Variants in PPP2R2C observed in about 807,000 individuals in gnomAD.
The protein encoded by PPP2R2C is protein phosphatase 2 regulatory subunit Bgamma.
Under a neutral mutation model 45.3 loss-of-function variants are expected in PPP2R2C, and 10 were observed. The ratio of observed to expected loss-of-function variants is 0.22; its 90% CI spans 0.14 to 0.37. The LOEUF is 0.37. Ranked by LOEUF, PPP2R2C falls within the 10% of genes least tolerant of loss-of-function variation. PPP2R2C has a pLI of 1.00. For synonymous variants in PPP2R2C, 257 were observed against 245.4 expected (o/e 1.05, Z -0.44); for missense variants, 308 against 619.7 (o/e 0.50, Z 5.34).
At position 6,345,591 on chromosome 4, in the gene PPP2R2C, G is replaced by A. The variant is rs1450188253; in HGVS notation, c.790+2255C>T. Reference sequence around the variant, plus strand: ...TGGCCGCTGTGGGCTGGGAGGATGGGGGAGGGGCCACGTGCCAGGGAACGC... The same window carrying A: ...TGGCCGCTGTGGGCTGGGAGGATGGAGGAGGGGCCACGTGCCAGGGAACGC... On this transcript the variant is annotated intron_variant, in intron 6 of 8. Transcript: ENST00000382599. The surrounding 1 kb of genome is among the most constrained non-coding windows in gnomAD (Gnocchi z 5.3). Among the ~76,000 whole-genome samples the A allele has an allele frequency of 6.6e-6, 1 of 152,130 alleles. No homozygotes were observed. The highest frequency in any genetic ancestry group is 1.5e-5 in the Non-Finnish European group (1 of 68,004).
chr4:6,350,305 A>C, intron 5 of PPP2R2C: 1 of 985,508 alleles, frequency 1.0e-6, no homozygotes. Flanking sequence ...CGCTCGGAGC[A>C]GCTCTCAGGT....
chr4:6,442,503 T>C (rs1720205857), intron 1 of PPP2R2C, among the ~76,000 whole-genome samples: 1 of 152,166 alleles, frequency 6.6e-6, no homozygotes, highest in African/African-American at 2.4e-5. Flanking sequence ...TTTAGTTTGA[T>C]GGTTTCAGGC....
intron 1 of PPP2R2C, chr4:6,382,107 G>T (rs1008353446): frequency 1.5e-6 from 2 of 1,317,804 alleles, no homozygotes; most frequent in African/African-American, 3.0e-5. Flanking sequence ...CTTTTAATTT[G>T]AAGTCATTCT....
At chr4:6,457,122 T>C (rs1267490677) in intron 1 of PPP2R2C, among the ~76,000 whole-genome samples, 1 of 144,250 alleles carries the variant, frequency 6.9e-6, no homozygotes, top group African/African-American at 2.5e-5. Flanking sequence ...GGCAGGAGAA[T>C]TGCTTGAACC....
chr4:6,372,756 A>G, intron 4 of PPP2R2C, 56 bp from the exon 5 acceptor site: 1 of 1,552,630 alleles, frequency 6.4e-7, no homozygotes, highest in South Asian at 1.1e-5. Flanking sequence ...GCATCAGGAC[A>G]TAGCATGCCG....
rs762114248 is a variant in PPP2R2C, at chr4:6,368,071, G to GCGCA, written c.625+4451_625+4452insTGCG. On this transcript the variant is annotated intron_variant, in intron 5 of 8. Coordinates refer to ENST00000382599, the MANE Select transcript of PPP2R2C (RefSeq NM_020416.4). The surrounding 1 kb of genome is among the most constrained non-coding windows in gnomAD (Gnocchi z 4.2). ...GACACTGAGTTACACGGCAGGGTGT[G>GCGCA]CGGCCAGGGATGTTCCCAGGATCCA... Among the ~76,000 whole-genome samples the GCGCA allele has an allele frequency of 3.9e-5, 6 of 152,218 alleles. No individual in the cohort carries two copies. Among genetic ancestry groups the GCGCA allele is most frequent in the Non-Finnish European group, 8.8e-5 (6 of 68,030 alleles).
intron 6 of PPP2R2C, 36 bp from the exon 7 acceptor site, chr4:6,333,767 T>C (rs1732613475): frequency 6.2e-7 from 1 of 1,611,442 alleles, no homozygotes. Flanking sequence ...GTCACTGCGC[T>C]GCTCCCGCCC....
intron 1 of PPP2R2C, among the ~76,000 whole-genome samples, chr4:6,418,113 A>C (rs1397505961): frequency 1.3e-5 from 2 of 152,192 alleles, no homozygotes; most frequent in Non-Finnish European, 2.9e-5. Context: ...CCTCATCTGT[A>C]AAATGGGGTG....
At chr4:6,353,082 A>G (rs978106405) in intron 5 of PPP2R2C, among the ~76,000 whole-genome samples, 4 of 152,058 alleles carry the variant, frequency 2.6e-5, no homozygotes, top group Admixed American at 6.5e-5. Context: ...GGCCCTGCCA[A>G]CACCTGGATT....
At chr4:6,556,943 G>T (rs1289213965) in intron 1 of PPP2R2C, among the ~76,000 whole-genome samples, 1 of 152,046 alleles carries the variant, frequency 6.6e-6, no homozygotes, top group Non-Finnish European at 1.5e-5. Flanking sequence ...TGCCTCCTGT[G>T]GGCAAAACCC....
chr4:6,559,204 A>G (rs11731327), intron 1 of PPP2R2C, among the ~76,000 whole-genome samples: 62,261 of 152,050 alleles, frequency 0.41, 13,290 homozygotes, highest in East Asian at 0.75. Flanking sequence ...TCCATCTCTC[A>G]CTGCTAAGCA....
intron 1 of PPP2R2C, among the ~76,000 whole-genome samples, chr4:6,456,903 G>A (rs1438227938): frequency 6.6e-6 from 1 of 152,186 alleles, no homozygotes; most frequent in East Asian, 1.9e-4. Flanking sequence ...TACGGGTGGT[G>A]TGGATCCATA....
Position 6,381,036 on chromosome 4 carries a change from G to T in PPP2R2C, c.129C>A (p.Asp43Glu), listed in dbSNP as rs1386974387. ...GGAAGATGACGACCCGGCCGCCCTTGTCACCTGTGGCCAGCAGCTCTCCCG... is the reference window on the plus strand; with the variant it reads ...GGAAGATGACGACCCGGCCGCCCTTTTCACCTGTGGCCAGCAGCTCTCCCG... The part of the protein sequence containing the change: ...NHTGELLATG[D>E]KGGRVVIFQR... Residue 43 changes from aspartate (D) to glutamate (E), a missense_variant, in exon 2 of 9, where the codon GAC (aspartate) becomes GAA (glutamate). Transcript: ENST00000382599. 6.4e-7 allele frequency: 1 copy of T among 1,571,438 alleles called. No homozygotes were observed. Among genetic ancestry groups the T allele is most frequent in the Non-Finnish European group, 8.7e-7 (1 of 1,154,818 alleles).
At chr4:6,413,922 C>T in intron 1 of PPP2R2C, 2 of 1,536,138 alleles carry the variant, frequency 1.3e-6, no homozygotes, top group Non-Finnish European at 8.7e-7. Flanking sequence ...TCTTTCCCAT[C>T]AGCGTCTTCG....
intron 2 of PPP2R2C, among the ~76,000 whole-genome samples, chr4:6,477,730 C>CAAAA (rs5855918): frequency 7.4e-4 from 57 of 77,022 alleles, no homozygotes; most frequent in East Asian, 3.2e-3. Context: ...GACTCCGTCT[C>CAAAA]AAAAAAAAAA....
chr4:6,555,594 C>T (rs1301690833), intron 1 of PPP2R2C: 1 of 152,268 alleles, frequency 6.6e-6, no homozygotes, highest in East Asian at 1.9e-4. Context: ...GGCCCTTCTC[C>T]CTGCTTCTGG....
intron 1 of PPP2R2C, among the ~76,000 whole-genome samples, chr4:6,407,740 T>G (rs1253312965): frequency 6.6e-6 from 1 of 152,146 alleles, no homozygotes; most frequent in Admixed American, 6.5e-5. Flanking sequence ...CTTAGACAAA[T>G]GGACTGGGAA....
At chr4:6,530,456 G>A (rs2108821887) in intron 2 of PPP2R2C, among the ~76,000 whole-genome samples, 1 of 152,248 alleles carries the variant, frequency 6.6e-6, no homozygotes, top group East Asian at 1.9e-4. Context: ...GCGCTGCTTT[G>A]GGGACCATCC....
intron 3 of PPP2R2C, among the ~76,000 whole-genome samples, chr4:6,376,364 C>G (rs891833170): frequency 3.3e-5 from 5 of 152,212 alleles, no homozygotes; most frequent in African/African-American, 7.2e-5. Flanking sequence ...GGATTCAAAC[C>G]CAGGTGGGAA....
Sources: gnomAD v4.1 joint callset for allele counts (sites outside exome capture counted in the v4.1 genomes callset) on GRCh38, gnomAD v4.1.1 for gene constraint, Gnocchi (gnomAD v3.1) non-coding constraint, MANE v1.5 for transcripts, NCBI Gene and HGNC (gene_info 2026-07-23, HGNC 2026-07-21) for gene names.